ELAC1: variants seen among roughly 807,000 people sequenced by gnomAD.
ELAC1 encodes zinc phosphodiesterase ELAC protein 1.
ELAC1 carries 19 observed loss-of-function variants against 25.8 expected under a neutral mutation model. The ratio of observed to expected loss-of-function variants is 0.74; its 90% CI spans 0.51 to 1.08. The LOEUF is 1.08. Among genes scored for constraint, ELAC1 ranks in the 50% least tolerant of loss-of-function variants. ELAC1 has a pLI of 0.00. For missense variants in ELAC1, 403 were observed against 434.6 expected (o/e 0.93, Z 0.65); for synonymous variants, 148 against 160.9 (o/e 0.92, Z 0.61).
Position 50,986,931 on chromosome 18 carries a change from A to G in ELAC1, c.938A>G (p.His313Arg), listed in dbSNP as rs1462954193. 3 of 1,613,918 alleles carry G rather than the reference A, an allele frequency of 1.9e-6. No homozygotes were observed. In the African/African-American group the frequency reaches 4.0e-5, roughly 22 times the overall value. Reference protein sequence around the residue: ...LCRAKRLVLTHFSQRYKPVAL... With the variant: ...LCRAKRLVLTRFSQRYKPVAL... The stretch of plus-strand genomic sequence containing the variant: ...CGTGCAAAGAGGCTGGTTCTGACTC[A>G]CTTCAGTCAGAGGTACAAACCAGTT... The change falls in exon 4 of 4, where the codon CAC becomes CGC. Residue 313 changes from histidine (H) to arginine (R), a missense_variant. Transcript: ENST00000269466.
rs748606424 is a variant in ELAC1 at position 50,986,997 on chromosome 18, TAA to T, written c.1009_1010del (p.Lys337AlafsTer3). Reference sequence around the variant, plus strand: ...GGAGAAACAGATGGCATTGCAGAACTAAAAAAGCAAGCTGAATCAGTGTTAGA... The same window carrying T: ...GGAGAAACAGATGGCATTGCAGAACTAAAAGCAAGCTGAATCAGTGTTAGA... On this transcript the variant is annotated frameshift_variant, in exon 4 of 4. Transcript: ENST00000269466. LOFTEE classifies it high-confidence loss of function. 1.2e-6 allele frequency: 2 copies of T among 1,612,496 alleles called. No homozygotes were observed. Among genetic ancestry groups the T allele is most frequent in the East Asian group, 4.5e-5 (2 of 44,862 alleles).
At chr18:50,981,383 A>G (rs183450004) in intron 2 of ELAC1, among the ~76,000 whole-genome samples, 103 of 152,036 alleles carry the variant, frequency 6.8e-4, no homozygotes, top group African/African-American at 2.4e-3. Flanking sequence ...CTCTTGGCAT[A>G]ACCTGCTTTT....
chr18:50,975,122 G>A (rs964505009), intron 2 of ELAC1, among the ~76,000 whole-genome samples: 1 of 152,170 alleles, frequency 6.6e-6, no homozygotes. Context: ...AAAAGCTTCA[G>A]CTCAGAGTCA....
chr18:50,980,342 T>C (rs1907911237), intron 2 of ELAC1, among the ~76,000 whole-genome samples: 1 of 151,262 alleles, frequency 6.6e-6, no homozygotes, highest in East Asian at 2.0e-4. Flanking sequence ...ATGCATGCAT[T>C]CATACATACA....
At chr18:50,980,608 C>CA (rs1478810203) in intron 2 of ELAC1, among the ~76,000 whole-genome samples, 1 of 151,390 alleles carries the variant, frequency 6.6e-6, no homozygotes, top group Admixed American at 6.6e-5. Context: ...ACTGAAAATA[C>CA]AAAAATTAGC....
intron 1 of ELAC1, among the ~76,000 whole-genome samples, chr18:50,973,244 G>A (rs1907710043): frequency 6.6e-6 from 1 of 152,084 alleles, no homozygotes; most frequent in South Asian, 2.1e-4. Flanking sequence ...TTTTTCTTAA[G>A]CTTCTTTGTT....
chr18:50,975,805 T>C (rs138891432), intron 2 of ELAC1, among the ~76,000 whole-genome samples: 203 of 152,280 alleles, frequency 1.3e-3, no homozygotes, highest in Middle Eastern at 3.4e-3. Flanking sequence ...ATAAGTAGAA[T>C]AATGGAAGTA....
chr18:50,983,845 C>T (rs748015062), intron 2 of ELAC1, among the ~76,000 whole-genome samples: 1 of 151,164 alleles, frequency 6.6e-6, no homozygotes, highest in Non-Finnish European at 1.5e-5. Context: ...CAGAGCAAGA[C>T]CTGTCTCTTT....
chr18:50,977,340 A>G (rs139744993), intron 2 of ELAC1, among the ~76,000 whole-genome samples: 1,619 of 152,322 alleles, frequency 0.011, 14 homozygotes, highest in Non-Finnish European at 0.017. Flanking sequence ...ATGTTTCCAT[A>G]CATCCTCTGA....
chr18:50,973,429 C>G (rs1218058959), intron 1 of ELAC1, among the ~76,000 whole-genome samples: 2 of 152,200 alleles, frequency 1.3e-5, no homozygotes, highest in African/African-American at 4.8e-5. Flanking sequence ...CCTGCACATT[C>G]AACAGGTTGT....
intron 2 of ELAC1, among the ~76,000 whole-genome samples, chr18:50,977,768 T>C (rs1907833210): frequency 6.6e-6 from 1 of 152,238 alleles, no homozygotes; most frequent in African/African-American, 2.4e-5. Context: ...TTTTCTGAAC[T>C]TTTATGCTCT....
rs1231674704 is a variant in ELAC1 at position 50,968,045 on chromosome 18, C to A, written c.-78C>A. 6.6e-5 allele frequency: 10 copies of A among 152,006 alleles called. No individual in the cohort carries two copies. Among genetic ancestry groups the A allele is most frequent in the African/African-American group, 2.2e-4 (9 of 41,420 alleles). The allele number at this position is 152,006 out of a possible 1,614,324, so 9.4% of individuals were successfully genotyped here. A position where few individuals can be genotyped will look rare whatever the true frequency, so the allele number is the denominator to read the frequency against. ...CACTTCCGCCCGGGCGCATTGTAGC[C>A]CCGCGGACAGCTGGGCCAGGGTGCG... On this transcript the variant is annotated 5_prime_UTR_variant, in exon 1 of 4. Coordinates refer to ENST00000269466, the MANE Select transcript of ELAC1 (RefSeq NM_018696.3).
intron 1 of ELAC1, among the ~76,000 whole-genome samples, chr18:50,972,781 C>T (rs965690042): frequency 6.6e-6 from 1 of 152,194 alleles, no homozygotes; most frequent in Admixed American, 6.5e-5. Context: ...CCGTGCCCGG[C>T]CTATTCTGTT....
intron 2 of ELAC1, 45 bp downstream of exon 2, chr18:50,974,606 T>C: frequency 1.3e-6 from 2 of 1,588,176 alleles, no homozygotes; most frequent in East Asian, 4.5e-5. Context: ...TTTGTTGTTC[T>C]GCTTCATTTT....
At chr18:50,984,647 T>C in intron 3 of ELAC1, 84 bp downstream of exon 3, 1 of 1,042,538 alleles carries the variant, frequency 9.6e-7, no homozygotes, top group Non-Finnish European at 1.4e-6. Flanking sequence ...AATGTCATAG[T>C]AAGGCCAGGA....
intron 1 of ELAC1, among the ~76,000 whole-genome samples, chr18:50,970,231 A>T (rs1907615693): frequency 6.6e-6 from 1 of 152,112 alleles, no homozygotes; most frequent in Non-Finnish European, 1.5e-5. Context: ...CTGAGTTTAC[A>T]AGCAGGAGCC....
At chr18:50,980,674 A>G (rs1299929411) in intron 2 of ELAC1, among the ~76,000 whole-genome samples, 1 of 151,524 alleles carries the variant, frequency 6.6e-6, no homozygotes, top group Admixed American at 6.6e-5. Flanking sequence ...GAGGCAGGAG[A>G]ATCGCTTGAA....
chr18:50,971,908 GTGTGTATATATATATA>G (rs1250240140), intron 1 of ELAC1, among the ~76,000 whole-genome samples: 2 of 127,258 alleles, frequency 1.6e-5, no homozygotes, highest in East Asian at 2.2e-4. Flanking sequence ...GTGTGTGTGT[GTGTGTATATATATATA>G]TATATATATA....
At position 50,984,186 on chromosome 18, in the gene ELAC1, G is replaced by T. The variant is rs1908035506; in HGVS notation, c.248G>T (p.Gly83Val). 2 of 1,614,098 alleles carry T rather than the reference G, an allele frequency of 1.2e-6. No individual in the cohort carries two copies. Among genetic ancestry groups the T allele is most frequent in the African/African-American group, 2.7e-5 (2 of 75,004 alleles). Residue 83 changes from glycine to valine, a missense_variant, in exon 3 of 4, where the codon GGC (glycine) becomes GTC (valine). Coordinates refer to ENST00000269466, the MANE Select transcript of ELAC1 (RefSeq NM_018696.3). Reference sequence around the variant, plus strand: ...CTCTGCACAATCAGCCTGCAGAGTGGCTCCATGGTGTCCAAACAGCCTATT... The same window carrying T: ...CTCTGCACAATCAGCCTGCAGAGTGTCTCCATGGTGTCCAAACAGCCTATT... ...GLLCTISLQS[G>V]SMVSKQPIEI... is the part of the protein sequence containing the mutation.
Sources: gnomAD v4.1 joint callset for allele counts (sites outside exome capture counted in the v4.1 genomes callset) on GRCh38, gnomAD v4.1.1 for gene constraint, MANE v1.5 for transcripts, NCBI Gene and HGNC (gene_info 2026-07-23, HGNC 2026-07-21) for gene names.